ATR: variants seen among roughly 807,000 people sequenced by gnomAD.
The protein encoded by ATR is ATR checkpoint kinase, also known as serine/threonine-protein kinase ATR.
Under a neutral mutation model 305.3 loss-of-function variants are expected in ATR, and 142 were observed. That is an observed-to-expected ratio of 0.47 (90% CI 0.41 to 0.53). The LOEUF (loss-of-function observed/expected upper bound fraction) is 0.53. Ranked by LOEUF, ATR falls within the 20% of genes least tolerant of loss-of-function variation. The pLI is 0.00. For synonymous variants in ATR, 1,050 were observed against 1,068.1 expected, an observed-to-expected ratio of 0.98 and a Z score of 0.33; for missense variants, 2,135 against 3,133.1, an observed-to-expected ratio of 0.68 and a Z score of 7.60.
chr3:142,545,398 C>T (rs907462253), intron 16 of ATR, among the ~76,000 whole-genome samples: 7 of 151,818 alleles, frequency 4.6e-5, no homozygotes, highest in African/African-American at 1.2e-4. Context: ...GCCTAGGTCT[C>T]GAAGCAGGAA....
Position 142,467,958 on chromosome 3 carries a change from C to CT in ATR, c.6662dup (p.Leu2222AlafsTer7). The CT allele has an allele frequency of 6.2e-7, 1 of 1,612,904 alleles. No individual in the cohort carries two copies. The highest frequency in any genetic ancestry group is 2.2e-5 in the East Asian group (1 of 44,728). Reference sequence around the variant, plus strand: ...CCGGTTTATTGCACAATTCTAGAAGCTTATCTGTTAGGCGAGTTGCATCTC... The same window carrying CT: ...CCGGTTTATTGCACAATTCTAGAAGCTTTATCTGTTAGGCGAGTTGCATCTC... On this transcript the variant is annotated frameshift_variant, in exon 39 of 47. Coordinates refer to ENST00000350721, the MANE Select transcript of ATR (RefSeq NM_001184.4). LOFTEE classifies it high-confidence loss of function.
In ATR at chr3:142,550,230, G is replaced by T. The variant is rs925889291; in HGVS notation, c.2878C>A (p.Arg960=). 1.9e-6 allele frequency: 3 copies of T among 1,614,058 alleles called. No individual in the cohort carries two copies. Among genetic ancestry groups the T allele is most frequent in the Admixed American group, 1.7e-5 (1 of 60,014 alleles). The part of the protein sequence containing the change: ...PNTPCQNADV[R]KQDVAHQREM... ...CTCTGGTGAGCCACATCTTGTTTTC[G>T]CACGTCAGCATTCTGGCATGGAGTA... The change falls in exon 14 of 47, where the codon CGA becomes AGA. Residue 960 remains arginine, a synonymous_variant. Transcript: ENST00000350721.
rs200980335 is a variant in ATR, at chr3:142,485,137, C to T, written c.6221+3G>A. The T allele has an allele frequency of 3.4e-4, 553 of 1,613,996 alleles. 1 individual carries two copies. Among genetic ancestry groups the T allele is most frequent in the Middle Eastern group, 9.9e-4 (6 of 6,082 alleles). Reference sequence around the variant, plus strand: ...TCTGCAAACATGCAGTTCTCATACTCACCTGCCAAAATGAAGAACTATATA... The same window carrying T: ...TCTGCAAACATGCAGTTCTCATACTTACCTGCCAAAATGAAGAACTATATA... On this transcript the variant is annotated splice_donor_region_variant and intron_variant, in intron 36 of 46. Coordinates refer to ENST00000350721, the MANE Select transcript of ATR (RefSeq NM_001184.4).
intron 1 of ATR, among the ~76,000 whole-genome samples, chr3:142,570,402 T>C (rs2035221847): frequency 6.6e-6 from 1 of 152,218 alleles, no homozygotes; most frequent in South Asian, 2.1e-4. Flanking sequence ...TATTTACTTT[T>C]TGAGACAGAG....
At chr3:142,497,365 T>G (rs1250951596) in intron 32 of ATR, among the ~76,000 whole-genome samples, 173 bp from the exon 33 acceptor site, 1 of 152,166 alleles carries the variant, frequency 6.6e-6, no homozygotes, top group Non-Finnish European at 1.5e-5. Context: ...CTTTTCAAAC[T>G]GAATGTAAAC....
chr3:142,564,782 C>G (rs2035010046), intron 3 of ATR, among the ~76,000 whole-genome samples: 1 of 151,500 alleles, frequency 6.6e-6, no homozygotes, highest in Non-Finnish European at 1.5e-5. Context: ...GACAGGTTCT[C>G]ACTCTGTTAC....
At position 142,553,453 on chromosome 3, in the gene ATR, CACACAT is replaced by C. The variant is rs1430082558; in HGVS notation, c.2634-61_2634-56del. 6.7e-5 allele frequency: 100 copies of C among 1,500,760 alleles called. No individual in the cohort carries two copies. In the African/African-American group the frequency reaches 1.2e-3, roughly 19 times the overall value. 93.0% of individuals were successfully genotyped at this position (1,500,760 alleles called of 1,614,324 possible). A position where few individuals can be genotyped will look rare whatever the true frequency, so the allele number is the denominator to read the frequency against. ...ACACAAACACACACACACACACACA[CACACAT>C]ACACACACATATGTATCTCCAATAT... On this transcript the variant is annotated intron_variant, in intron 12 of 46. Coordinates refer to ENST00000350721, the MANE Select transcript of ATR (RefSeq NM_001184.4).
chr3:142,489,620 C>T (rs2031162006), intron 35 of ATR, among the ~76,000 whole-genome samples: 1 of 152,100 alleles, frequency 6.6e-6, no homozygotes, highest in South Asian at 2.1e-4. Context: ...CATTAATCTA[C>T]CTTGTTGCGT....
Position 142,504,959 on chromosome 3 carries a change from G to A in ATR, c.5196+180C>T, listed in dbSNP as rs528818219. On this transcript the variant is annotated intron_variant, in intron 29 of 46. Transcript: ENST00000350721. ...CTACTCGGGAGGCTGAGGCAGAATT[G>A]CTTGAGCCCGGGAGACAGAGGTTGC... 1.3e-3 allele frequency among the ~76,000 whole-genome samples: 191 copies of A among 152,128 alleles called. 1 individual carries two copies. Among genetic ancestry groups the A allele is most frequent in the Non-Finnish European group, 2.4e-3 (161 of 67,984 alleles).
In ATR at chr3:142,561,248, A is replaced by G; in HGVS notation, c.1344T>C (p.Thr448=). Residue 448 remains threonine, a synonymous_variant, in exon 5 of 47, where the codon ACT becomes ACC. Coordinates refer to ENST00000350721, the MANE Select transcript of ATR (RefSeq NM_001184.4). ...CTGAATGAAGGTCATCATACTCCTC[A>G]GTCTGTTTTGGTGCTCTTTTAGAAG... ...LNPSKRAPKQ[T]EEIKHVDMNQ... is the part of the protein sequence containing the mutation. The G allele has an allele frequency of 6.2e-7, 1 of 1,613,650 alleles. No individual in the cohort carries two copies. Among genetic ancestry groups the G allele is most frequent in the Non-Finnish European group, 8.5e-7 (1 of 1,179,620 alleles).
chr3:142,461,964 G>C lies in ATR; in HGVS notation c.7168C>G (p.Leu2390Val), dbSNP rs1323309859. 6.2e-7 allele frequency: 1 copy of C among 1,613,528 alleles called. No homozygotes were observed. The highest frequency in any genetic ancestry group is 8.5e-7 in the Non-Finnish European group (1 of 1,179,736). The change falls in exon 42 of 47, where the codon CTG becomes GTG. Residue 2390 changes from leucine (L) to valine (V), a missense_variant. Physicochemically the swap from Leu to Val is conservative, Grantham distance 32 (BLOSUM62 1). Coordinates refer to ENST00000350721, the MANE Select transcript of ATR (RefSeq NM_001184.4). ...VNNTAGLRPI[L>V]TKLYKEKGVY... ...CCCTTTTCTTTATATAGTTTGGTCA[G>C]AATAGGTCTCAAACCAGCAGTGTTG...
rs2108479300 is a variant in ATR, at chr3:142,559,252, T to A, written c.1731A>T (p.Gln577His). Reference sequence around the variant, plus strand: ...GATCTGTTGCTAATTTGTACTCACCTTGCATATAAATCAAAGCATCATAAA... The same window carrying A: ...GATCTGTTGCTAATTTGTACTCACCATGCATATAAATCAAAGCATCATAAA... Reference protein sequence around the residue: ...VKIYDALIYMQVNSSFEDHIL... With the variant: ...VKIYDALIYMHVNSSFEDHIL... The change falls in exon 7 of 47, where the codon CAA becomes CAT. Residue 577 changes from glutamine to histidine, a missense_variant and splice_region_variant. Gln to His is a conservative substitution (Grantham distance 24). Transcript: ENST00000350721. The A allele has an allele frequency of 6.2e-7, 1 of 1,612,784 alleles. No homozygotes were observed. The highest frequency in any genetic ancestry group is 8.5e-7 in the Non-Finnish European group (1 of 1,179,028).
Position 142,450,044 on chromosome 3 carries a change from C to A in ATR, c.7762-442G>T. ...ACAATTTCTTAAGCATATCTGAATGCAAAAGGAAGAATAACGTTATTAGAA... is the reference window on the plus strand; with the variant it reads ...ACAATTTCTTAAGCATATCTGAATGAAAAAGGAAGAATAACGTTATTAGAA... On this transcript the variant is annotated intron_variant, in intron 46 of 46. Transcript: ENST00000350721. 6.8e-6 allele frequency: 2 copies of A among 293,448 alleles called. 1 individual carries two copies. The highest frequency in any genetic ancestry group is 8.2e-5 in the South Asian group (2 of 24,444). 18.2% of individuals were successfully genotyped at this position (293,448 alleles called of 1,614,324 possible).
At chr3:142,529,053 TG>T (rs1212835852) in intron 21 of ATR, among the ~76,000 whole-genome samples, 1 of 150,812 alleles carries the variant, frequency 6.6e-6, no homozygotes, top group Admixed American at 6.6e-5. Flanking sequence ...GGTTAATTTT[TG>T]TATTTTTAGT....
Position 142,547,929 on chromosome 3 carries a change from A to T in ATR, c.3172-19T>A, listed in dbSNP as rs769600107. 1.7e-5 allele frequency: 26 copies of T among 1,573,532 alleles called. No homozygotes were observed. The highest frequency in any genetic ancestry group is 1.7e-4 in the Middle Eastern group (1 of 5,914). ...TTTCATTCTAACCCAAAGACATGTTAAAAAAAATTTTTTTCTTCATACTAA... is the reference window on the plus strand; with the variant it reads ...TTTCATTCTAACCCAAAGACATGTTTAAAAAAATTTTTTTCTTCATACTAA... On this transcript the variant is annotated intron_variant, in intron 15 of 46. Transcript: ENST00000350721.
intron 36 of ATR, among the ~76,000 whole-genome samples, chr3:142,476,006 A>G (rs2071432729): frequency 6.6e-6 from 1 of 152,150 alleles, no homozygotes; most frequent in Non-Finnish European, 1.5e-5. Context: ...CCTTCGTCAG[A>G]TGAGTAGATT....
chr3:142,450,530 A>G (rs1172792237), intron 46 of ATR: 3 of 1,606,168 alleles, frequency 1.9e-6, no homozygotes, highest in Non-Finnish European at 2.6e-6. Context: ...CATATCCAGA[A>G]AATCAGATCA....
At position 142,550,249 on chromosome 3, in the gene ATR, T is replaced by C. The variant is rs1231606392; in HGVS notation, c.2859A>G (p.Pro953=). 2 of 1,614,202 alleles carry C rather than the reference T, an allele frequency of 1.2e-6. No homozygotes were observed. The highest frequency in any genetic ancestry group is 1.7e-6 in the Non-Finnish European group (2 of 1,180,024). ...SSQMTALPNT[P]CQNADVRKQD... ...GTTTTCGCACGTCAGCATTCTGGCATGGAGTATTCGGAAGTGCTGTCATCT... is the reference window on the plus strand; with the variant it reads ...GTTTTCGCACGTCAGCATTCTGGCACGGAGTATTCGGAAGTGCTGTCATCT... Residue 953 remains proline (P), a synonymous_variant, in exon 14 of 47, where the codon CCA becomes CCG. Coordinates refer to ENST00000350721, the MANE Select transcript of ATR (RefSeq NM_001184.4).
chr3:142,561,567 G>A, intron 4 of ATR, 146 bp from the exon 5 acceptor site: 1 of 796,674 alleles, frequency 1.3e-6, no homozygotes, highest in East Asian at 2.7e-5. Context: ...CATCTAAATT[G>A]ATCTATATTA....
Sources: allele counts gnomAD v4.1 joint callset (sites outside exome capture counted in the v4.1 genomes callset), GRCh38; gene constraint gnomAD v4.1.1; transcripts MANE v1.5; gene names NCBI Gene and HGNC (gene_info 2026-07-23, HGNC 2026-07-21).